The following MYO5B variants were observed in gnomAD, a reference collection of about 807,000 sequenced individuals.
MYO5B encodes unconventional myosin-Vb.
A neutral mutation model predicts 229.3 loss-of-function variants in MYO5B; 143 were observed. The observed-to-expected ratio is 0.62, with a 90% CI of 0.54 to 0.72. MYO5B has a LOEUF of 0.72. Among genes scored for constraint, MYO5B ranks in the 30% least tolerant of loss-of-function variants. The pLI, the probability that MYO5B is intolerant of heterozygous loss-of-function variation, is 0.00. For missense variants in MYO5B, 2,321 were observed against 2,331.0 expected (o/e 1.00, Z 0.09); for synonymous variants, 918 against 885.2 (o/e 1.04, Z -0.66).
At chr18:49,841,343 G>A in intron 35 of MYO5B, 22 bp downstream of exon 35, 1 of 1,608,930 alleles carries the variant, frequency 6.2e-7, no homozygotes, top group Non-Finnish European at 8.5e-7. Context: ...AATGCCTCCT[G>A]GGTGCCTGGC....
chr18:49,993,039 C>A (rs557252940), intron 5 of MYO5B, among the ~76,000 whole-genome samples: 5 of 152,234 alleles, frequency 3.3e-5, no homozygotes, highest in African/African-American at 1.2e-4. Context: ...CTTGGTATTT[C>A]TTCTGCAGCA....
chr18:50,040,586 A>G (rs572134299), intron 2 of MYO5B, among the ~76,000 whole-genome samples: 1 of 152,176 alleles, frequency 6.6e-6, no homozygotes, highest in African/African-American at 2.4e-5. Context: ...AAAAATACTG[A>G]GTCTTTAATT....
intron 1 of MYO5B, among the ~76,000 whole-genome samples, chr18:50,177,393 G>T (rs567934928): frequency 6.6e-6 from 1 of 152,134 alleles, no homozygotes; most frequent in South Asian, 2.1e-4. Flanking sequence ...GCTTGTAAAC[G>T]TTTATGTTTT....
chr18:49,948,540 T>C (rs1417587280), intron 14 of MYO5B, among the ~76,000 whole-genome samples: 1 of 152,214 alleles, frequency 6.6e-6, no homozygotes, highest in East Asian at 1.9e-4. Context: ...CAGCACATCT[T>C]AAACAGGAAG....
intron 10 of MYO5B, among the ~76,000 whole-genome samples, chr18:49,964,680 C>A (rs1047741869): frequency 9.2e-5 from 14 of 152,206 alleles, no homozygotes; most frequent in African/African-American, 3.1e-4. Context: ...ATTTTTCTGT[C>A]TGACTGTACT....
intron 9 of MYO5B, among the ~76,000 whole-genome samples, chr18:49,978,147 C>G (rs1365177219): frequency 6.6e-6 from 1 of 152,150 alleles, no homozygotes; most frequent in Non-Finnish European, 1.5e-5. Context: ...CAAACCTCAA[C>G]CTCTCAGGCC....
chr18:50,073,258 T>C (rs2031000768), intron 1 of MYO5B, among the ~76,000 whole-genome samples: 1 of 152,148 alleles, frequency 6.6e-6, no homozygotes, highest in African/African-American at 2.4e-5. Flanking sequence ...CCATGAGGCA[T>C]ACCAGCAAAT....
intron 2 of MYO5B, among the ~76,000 whole-genome samples, chr18:50,053,853 T>C (rs1301738824): frequency 6.6e-6 from 1 of 152,210 alleles, no homozygotes; most frequent in Admixed American, 6.5e-5. Context: ...ACACTTTTAG[T>C]GCTGTTGCCA....
Position 49,840,964 on chromosome 18 carries a change from A to G in MYO5B, c.4701+401T>C, listed in dbSNP as rs529557079. Among the ~76,000 whole-genome samples, 3 of 152,324 alleles carry G rather than the reference A, an allele frequency of 2.0e-5. No homozygotes were observed. The South Asian group carries it at 6.2e-4, about 32-fold the overall frequency. ...TGTCTATCTTGAAATGGACAGATTA[A>G]TCAGTTGGCTTAGGAGACAGGGTGA... On this transcript the variant is annotated intron_variant, in intron 35 of 39. Coordinates refer to ENST00000285039, the MANE Select transcript of MYO5B (RefSeq NM_001080467.3).
At chr18:50,015,201 G>A (rs2026203654) in intron 4 of MYO5B, among the ~76,000 whole-genome samples, 1 of 152,204 alleles carries the variant, frequency 6.6e-6, no homozygotes, top group African/African-American at 2.4e-5. Flanking sequence ...ACAATTTTGG[G>A]TACAAACAAG....
intron 12 of MYO5B, among the ~76,000 whole-genome samples, chr18:49,956,938 G>A (rs2025498912): frequency 6.6e-6 from 1 of 152,074 alleles, no homozygotes; most frequent in African/African-American, 2.4e-5. Flanking sequence ...GAGAATAGCT[G>A]CTAAAGGGCT....
chr18:50,194,653 G>C (rs373446883), intron 1 of MYO5B, 114 bp downstream of exon 1: 138 of 699,228 alleles, frequency 2.0e-4, no homozygotes, highest in Middle Eastern at 1.1e-3. Flanking sequence ...CGCGGAGGGG[G>C]GTCTCCCGTC....
At position 49,853,495 on chromosome 18, in the gene MYO5B, T is replaced by TA; in HGVS notation, c.4174_4175insT (p.Glu1392ValfsTer19). ...GGATATTTCCTGCTGAACGCCGAATTCCACCTGGGCCTCTGGGGAGAGCAG... is the reference window on the plus strand; with the variant it reads ...GGATATTTCCTGCTGAACGCCGAATTACCACCTGGGCCTCTGGGGAGAGCAG... On this transcript the variant is annotated frameshift_variant, in exon 31 of 40. Transcript: ENST00000285039. LOFTEE classifies it high-confidence loss of function. 3.7e-6 allele frequency: 6 copies of TA among 1,614,160 alleles called. No homozygotes were observed. Among genetic ancestry groups the TA allele is most frequent in the Non-Finnish European group, 5.1e-6 (6 of 1,180,024 alleles).
intron 4 of MYO5B, among the ~76,000 whole-genome samples, chr18:50,017,413 C>T (rs933758973): frequency 2.0e-5 from 3 of 152,248 alleles, no homozygotes; most frequent in African/African-American, 7.2e-5. Flanking sequence ...GCGTGGGCCA[C>T]TGCGCCCGGC....
In MYO5B at chr18:49,877,877, A is replaced by AG; in HGVS notation, c.3281dup (p.Pro1095SerfsTer4). 6.2e-7 allele frequency: 1 copy of AG among 1,614,084 alleles called. No individual in the cohort carries two copies. On this transcript the variant is annotated frameshift_variant, in exon 25 of 40. Coordinates refer to ENST00000285039, the MANE Select transcript of MYO5B (RefSeq NM_001080467.3). LOFTEE classifies it high-confidence loss of function. The stretch of plus-strand genomic sequence containing the variant: ...TTGATGGGTTCCGCCTATGACCTGG[A>AG]GTTTGCTGTTCAACAAGAAAAACGT...
At chr18:49,949,090 T>A (rs1157306222) in intron 14 of MYO5B, among the ~76,000 whole-genome samples, 1 of 152,108 alleles carries the variant, frequency 6.6e-6, no homozygotes, top group Non-Finnish European at 1.5e-5. Flanking sequence ...TATGCTGGGA[T>A]AGAGTGGAAA....
chr18:50,000,627 TG>T (rs1202295765), intron 5 of MYO5B, among the ~76,000 whole-genome samples: 1 of 152,222 alleles, frequency 6.6e-6, no homozygotes, highest in East Asian at 1.9e-4. Context: ...TTCTCTGGCC[TG>T]TAGTTGTGTC....
intron 9 of MYO5B, among the ~76,000 whole-genome samples, chr18:49,979,937 C>T (rs1331932247): frequency 6.6e-6 from 1 of 152,226 alleles, no homozygotes; most frequent in African/African-American, 2.4e-5. Context: ...CATTATGAGC[C>T]TTCACGGAGC....
intron 29 of MYO5B, among the ~76,000 whole-genome samples, chr18:49,858,084 C>T (rs1305202697): frequency 6.6e-6 from 1 of 152,212 alleles, no homozygotes; most frequent in Non-Finnish European, 1.5e-5. Context: ...AGGCCCCCCA[C>T]CATCTGAAGG....
Sources: allele counts gnomAD v4.1 joint callset (sites outside exome capture counted in the v4.1 genomes callset), GRCh38; gene constraint gnomAD v4.1.1; transcripts MANE v1.5; gene names NCBI Gene and HGNC (gene_info 2026-07-23, HGNC 2026-07-21).